The following KHDRBS2 variants were observed in gnomAD, a reference collection of about 807,000 sequenced individuals.
The protein encoded by KHDRBS2 is KH RNA binding domain containing, signal transduction associated 2, also known as KH domain-containing, RNA-binding, signal transduction-associated protein 2.
A neutral mutation model predicts 44.3 loss-of-function variants in KHDRBS2; 26 were observed. The observed-to-expected ratio is 0.59, with a 90% CI of 0.43 to 0.81. The LOEUF is 0.81. Among genes scored for constraint, KHDRBS2 ranks in the 40% least tolerant of loss-of-function variants. The pLI is 0.00. For synonymous variants in KHDRBS2, 194 were observed against 151.1 expected, an observed-to-expected ratio of 1.28 and a Z score of -2.08; for missense variants, 476 against 433.1, an observed-to-expected ratio of 1.10 and a Z score of -0.88.
At chr6:61,976,273 T>C (rs1436039209) in intron 4 of KHDRBS2, among the ~76,000 whole-genome samples, 1 of 152,140 alleles carries the variant, frequency 6.6e-6, no homozygotes. Flanking sequence ...GATGCTAAGA[T>C]GGGGATACAG....
At chr6:62,158,797 A>G (rs1435905355) in intron 2 of KHDRBS2, among the ~76,000 whole-genome samples, 2 of 152,108 alleles carry the variant, frequency 1.3e-5, no homozygotes, top group Non-Finnish European at 2.9e-5. Context: ...TTTTAAAAAT[A>G]ATGACCTATT....
chr6:62,125,998 A>T (rs1808866310), intron 2 of KHDRBS2, among the ~76,000 whole-genome samples: 1 of 152,022 alleles, frequency 6.6e-6, no homozygotes, highest in Non-Finnish European at 1.5e-5. Flanking sequence ...TGAAGCTTAG[A>T]TACCAGCTCA....
At chr6:61,730,329 T>A (rs1036061346) in intron 7 of KHDRBS2, among the ~76,000 whole-genome samples, 1 of 152,120 alleles carries the variant, frequency 6.6e-6, no homozygotes, top group African/African-American at 2.4e-5. Context: ...CTGTCAGTAT[T>A]CTCTTTGAAG....
chr6:62,221,558 C>A (rs550480889), intron 1 of KHDRBS2, among the ~76,000 whole-genome samples: 1 of 151,940 alleles, frequency 6.6e-6, no homozygotes, highest in South Asian at 2.1e-4. Context: ...TCTGATAACA[C>A]CAACTTATAT....
chr6:61,886,754 A>G (rs1222654329), intron 6 of KHDRBS2, among the ~76,000 whole-genome samples: 1 of 152,206 alleles, frequency 6.6e-6, no homozygotes, highest in Non-Finnish European at 1.5e-5. Context: ...AGAGTAAGAT[A>G]AGAGCCCTAT....
At chr6:62,078,713 A>T (rs1231510457) in intron 2 of KHDRBS2, among the ~76,000 whole-genome samples, 2 of 151,998 alleles carry the variant, frequency 1.3e-5, no homozygotes, top group South Asian at 4.1e-4. Context: ...TATAGCTAAG[A>T]TCTAATATTC....
chr6:61,561,766 A>T, the KHDRBS2 span, among the ~76,000 whole-genome samples: 1 of 152,180 alleles, frequency 6.6e-6, no homozygotes, highest in Non-Finnish European at 1.5e-5. Context: ...CTGGCCCAGG[A>T]TAGGTCCAGA....
chr6:61,735,408 A>G (rs1349485740), intron 6 of KHDRBS2, among the ~76,000 whole-genome samples: 3 of 152,174 alleles, frequency 2.0e-5, no homozygotes, highest in Non-Finnish European at 4.4e-5. Context: ...CAATAAATTC[A>G]CATTACTGTG....
chr6:61,840,807 A>G (rs937042506), intron 6 of KHDRBS2, among the ~76,000 whole-genome samples: 1 of 152,146 alleles, frequency 6.6e-6, no homozygotes, highest in African/African-American at 2.4e-5. Flanking sequence ...GTGTTTTTAC[A>G]TGGGAGTAGA....
At chr6:61,546,095 T>A in the KHDRBS2 span, among the ~76,000 whole-genome samples, 1 of 152,068 alleles carries the variant, frequency 6.6e-6, no homozygotes, top group South Asian at 2.1e-4. Flanking sequence ...TAAAGATATA[T>A]GACATTAAAC....
At chr6:61,639,899 G>T in the KHDRBS2 span, among the ~76,000 whole-genome samples, 1 of 151,984 alleles carries the variant, frequency 6.6e-6, no homozygotes, top group Non-Finnish European at 1.5e-5. Context: ...AAGAAGAGGG[G>T]ACTGTTATAG....
chr6:61,547,682 T>C, the KHDRBS2 span, among the ~76,000 whole-genome samples: 20 of 152,272 alleles, frequency 1.3e-4, no homozygotes, highest in East Asian at 3.5e-3. Context: ...GCTGGACCAA[T>C]TAAGCCAGTG....
intron 3 of KHDRBS2, among the ~76,000 whole-genome samples, chr6:62,031,155 G>T (rs1006740881): frequency 4.6e-5 from 7 of 152,170 alleles, no homozygotes; most frequent in Non-Finnish European, 1.0e-4. Context: ...TTTTTGGCCA[G>T]ACAGGGACCT....
the KHDRBS2 span, among the ~76,000 whole-genome samples, chr6:61,622,833 C>T: frequency 2.6e-5 from 4 of 152,016 alleles, no homozygotes; most frequent in African/African-American, 9.7e-5. Flanking sequence ...TCACCAAGAA[C>T]GTCAGTGGTA....
At chr6:62,068,756 C>T (rs569372256) in intron 2 of KHDRBS2, among the ~76,000 whole-genome samples, 36 of 151,658 alleles carry the variant, frequency 2.4e-4, no homozygotes, top group Non-Finnish European at 4.4e-5. Context: ...AAACACTATT[C>T]TTTACCTATT....
the KHDRBS2 span, chr6:61,574,513 C>A: frequency 7.3e-6 from 6 of 823,844 alleles, no homozygotes; most frequent in African/African-American, 5.3e-5. Context: ...TCGGCTGGGG[C>A]GACCTCGGAG....
intron 6 of KHDRBS2, among the ~76,000 whole-genome samples, chr6:61,842,642 G>A (rs1055140630): frequency 6.6e-6 from 1 of 152,128 alleles, no homozygotes; most frequent in Admixed American, 6.6e-5. Flanking sequence ...TTGCTATTGA[G>A]AATATGAAAT....
intron 6 of KHDRBS2, chr6:61,814,115 A>C: frequency 2.2e-6 from 1 of 453,006 alleles, no homozygotes; most frequent in Non-Finnish European, 4.4e-6. Flanking sequence ...GTCCACTCAA[A>C]TGAGTGATTC....
At chr6:61,558,084 T>A in the KHDRBS2 span, among the ~76,000 whole-genome samples, 2 of 152,306 alleles carry the variant, frequency 1.3e-5, no homozygotes, top group African/African-American at 4.8e-5. Context: ...AACTTTTTGT[T>A]TCATTGACCT....
Sources: allele counts gnomAD v4.1 joint callset (sites outside exome capture counted in the v4.1 genomes callset), GRCh38; gene constraint gnomAD v4.1.1; transcripts MANE v1.5; gene names NCBI Gene and HGNC (gene_info 2026-07-23, HGNC 2026-07-21).